Variants in PPM1L observed in about 807,000 individuals in gnomAD.
The protein encoded by PPM1L is protein phosphatase 1L.
A neutral mutation model predicts 31.4 loss-of-function variants in PPM1L; 13 were observed. That is an observed-to-expected ratio of 0.41 (90% CI 0.27 to 0.66). PPM1L has a LOEUF of 0.66. PPM1L is among the 30% of genes least tolerant of loss of function. The probability of loss-of-function intolerance (pLI) is 0.29; values close to 1 mark genes in which losing one functional copy is unlikely to be tolerated. For missense variants in PPM1L, 326 were observed against 453.7 expected (o/e 0.72, Z 2.56); for synonymous variants, 184 against 175.4 (o/e 1.05, Z -0.39).
intron 1 of PPM1L, among the ~76,000 whole-genome samples, chr3:160,917,781 A>T (rs933059697): frequency 5.9e-5 from 9 of 152,242 alleles, no homozygotes; most frequent in African/African-American, 2.2e-4. Context: ...ATGTATGGCA[A>T]AGCCCAGTGG....
At chr3:160,779,326 A>C (rs1711669418) in intron 1 of PPM1L, among the ~76,000 whole-genome samples, 3 of 152,176 alleles carry the variant, frequency 2.0e-5, no homozygotes, top group Non-Finnish European at 2.9e-5. Flanking sequence ...AATCCTGTAG[A>C]TCTGGATTTG....
At chr3:160,803,278 C>G (rs1244908887) in intron 1 of PPM1L, among the ~76,000 whole-genome samples, 1 of 152,194 alleles carries the variant, frequency 6.6e-6, no homozygotes, top group East Asian at 1.9e-4. Context: ...TTGACAGGAC[C>G]ATCCTTATTC....
At chr3:160,824,911 G>A (rs1713310695) in intron 1 of PPM1L, among the ~76,000 whole-genome samples, 1 of 151,576 alleles carries the variant, frequency 6.6e-6, no homozygotes, top group South Asian at 2.1e-4. Flanking sequence ...ATTTCCTTCA[G>A]CTTAGTGTTT....
chr3:161,003,021 T>C (rs1309795721), intron 2 of PPM1L, among the ~76,000 whole-genome samples: 4 of 150,700 alleles, frequency 2.7e-5, no homozygotes, highest in Admixed American at 2.6e-4. Flanking sequence ...TTGTATAAAG[T>C]GTAAGGAAGG....
chr3:161,078,468 G>C lies in PPM1L; in HGVS notation c.*9311G>C, dbSNP rs961872863. The C allele has an allele frequency of 6.6e-6, 1 of 152,142 alleles. No individual in the cohort carries two copies. The highest frequency in any genetic ancestry group is 1.5e-5 in the Non-Finnish European group (1 of 68,028). The allele number at this position is 152,142 out of a possible 1,614,324, so 9.4% of individuals were successfully genotyped here. Reference sequence around the variant, plus strand: ...ACTTTATTTTAGGAATCTTCAAATTGTACTTAATAAATAAATCACAGGTCA... The same window carrying C: ...ACTTTATTTTAGGAATCTTCAAATTCTACTTAATAAATAAATCACAGGTCA... On this transcript the variant is annotated 3_prime_UTR_variant, in exon 4 of 4. Transcript: ENST00000498165.
intron 1 of PPM1L, among the ~76,000 whole-genome samples, chr3:160,898,810 A>G (rs530879907): frequency 1.3e-5 from 2 of 152,278 alleles, no homozygotes; most frequent in South Asian, 2.1e-4. Flanking sequence ...TCAACGTTTT[A>G]TGTTCCCAAT....
chr3:160,980,331 G>C (rs1428411120), intron 2 of PPM1L, among the ~76,000 whole-genome samples: 1 of 151,956 alleles, frequency 6.6e-6, no homozygotes, highest in African/African-American at 2.4e-5. Flanking sequence ...AGCCCAATTG[G>C]CTTCATGATA....
intron 1 of PPM1L, among the ~76,000 whole-genome samples, chr3:160,942,415 A>G (rs1576729414): frequency 1.3e-5 from 2 of 152,300 alleles, no homozygotes; most frequent in South Asian, 2.1e-4. Flanking sequence ...GAAGTTGTTC[A>G]TTCATGAATA....
intron 2 of PPM1L, among the ~76,000 whole-genome samples, chr3:161,011,868 G>A (rs961268549): frequency 2.6e-5 from 4 of 152,140 alleles, no homozygotes; most frequent in African/African-American, 9.7e-5. Flanking sequence ...CATTGATTTT[G>A]TATCCTGAGA....
chr3:160,842,168 G>C (rs1183342890), intron 1 of PPM1L: 2 of 682,630 alleles, frequency 2.9e-6, no homozygotes, highest in East Asian at 2.7e-5. Flanking sequence ...GAAATAGTTG[G>C]GGAGGACTCA....
intron 1 of PPM1L, among the ~76,000 whole-genome samples, chr3:160,813,855 C>A (rs1388023070): frequency 6.6e-6 from 1 of 152,118 alleles, no homozygotes; most frequent in East Asian, 1.9e-4. Context: ...ACATTTGATT[C>A]AATGGAACAT....
intron 1 of PPM1L, among the ~76,000 whole-genome samples, chr3:160,780,526 C>T (rs199570507): frequency 6.6e-6 from 1 of 152,194 alleles, no homozygotes; most frequent in African/African-American, 2.4e-5. Context: ...TAATAAACAG[C>T]TGCTTGAGTG....
At chr3:160,799,731 C>T (rs1712368329) in intron 1 of PPM1L, among the ~76,000 whole-genome samples, 2 of 152,074 alleles carry the variant, frequency 1.3e-5, no homozygotes, top group Admixed American at 1.3e-4. Context: ...CGTGGCTTGC[C>T]CCTTTTCTTT....
chr3:160,978,196 G>T (rs1036984641), intron 2 of PPM1L, among the ~76,000 whole-genome samples: 5 of 152,176 alleles, frequency 3.3e-5, no homozygotes, highest in African/African-American at 9.7e-5. Flanking sequence ...TTAGCTACCA[G>T]TACCACTCCC....
At chr3:160,819,746 G>A (rs1010604126) in intron 1 of PPM1L, among the ~76,000 whole-genome samples, 1 of 151,954 alleles carries the variant, frequency 6.6e-6, no homozygotes, top group African/African-American at 2.4e-5. Flanking sequence ...CTATCTGCTA[G>A]CATGGATAGA....
chr3:160,826,427 G>A (rs1399337049), intron 1 of PPM1L, among the ~76,000 whole-genome samples: 1 of 152,118 alleles, frequency 6.6e-6, no homozygotes, highest in Non-Finnish European at 1.5e-5. Flanking sequence ...GGCCATTAGA[G>A]CAATTGATAA....
chr3:161,065,212 G>T (rs1046134849), intron 2 of PPM1L, among the ~76,000 whole-genome samples, 191 bp from the exon 3 acceptor site: 1 of 152,124 alleles, frequency 6.6e-6, no homozygotes, highest in Non-Finnish European at 1.5e-5. Context: ...CTCTAACATG[G>T]TTAAGAAAAT....
At chr3:160,834,508 T>C in intron 1 of PPM1L, among the ~76,000 whole-genome samples, 1 of 149,276 alleles carries the variant, frequency 6.7e-6, no homozygotes, top group Non-Finnish European at 1.5e-5. Context: ...TGTGTGTGTG[T>C]GTGTGGTTGT....
At chr3:160,841,275 G>A (rs6799058) in intron 1 of PPM1L, among the ~76,000 whole-genome samples, 17,292 of 151,784 alleles carry the variant, frequency 0.11, 2,092 homozygotes, top group African/African-American at 0.31. Flanking sequence ...TCCAGAACCC[G>A]GCTGTGTTCT....
Sources: allele counts gnomAD v4.1 joint callset (sites outside exome capture counted in the v4.1 genomes callset), GRCh38; gene constraint gnomAD v4.1.1; transcripts MANE v1.5; gene names NCBI Gene and HGNC (gene_info 2026-07-23, HGNC 2026-07-21).